ECSIT: variants seen among roughly 807,000 people sequenced by gnomAD.
ECSIT encodes the protein ECSIT signaling integrator.
ECSIT carries 29 observed loss-of-function variants against 36.8 expected under a neutral mutation model. The observed-to-expected ratio is 0.79, with a 90% CI of 0.59 to 1.08. ECSIT has a LOEUF of 1.08. Ranked by LOEUF, ECSIT falls within the 50% of genes least tolerant of loss-of-function variation. The pLI is 0.00. For missense variants in ECSIT, 542 were observed against 581.0 expected, an observed-to-expected ratio of 0.93 and a Z score of 0.69; for synonymous variants, 231 against 234.8, an observed-to-expected ratio of 0.98 and a Z score of 0.15.
intron 7 of ECSIT, 101 bp from the exon 8 acceptor site, chr19:11,506,529 CTTTTT>C (rs71166605): frequency 3.1e-3 from 2,097 of 675,292 alleles, no homozygotes; most frequent in South Asian, 4.1e-3. Context: ...CTTCCACTTC[CTTTTT>C]TTTTTTTTTT....
At chr19:11,510,398 G>A (rs1161431782) in intron 4 of ECSIT, among the ~76,000 whole-genome samples, 1 of 151,616 alleles carries the variant, frequency 6.6e-6, no homozygotes, top group Admixed American at 6.6e-5. Flanking sequence ...GGCTGGTCTC[G>A]AACTCCTGGG....
At chr19:11,521,941 G>A (rs532137754) in intron 1 of ECSIT, 6 of 166,718 alleles carry the variant, frequency 3.6e-5, no homozygotes, top group Admixed American at 1.3e-4. Flanking sequence ...TCCTTTTGCC[G>A]GTGGCGGCAA....
In ECSIT at chr19:11,519,586, T is replaced by G. The variant is rs1972061196; in HGVS notation, c.-23-393A>C. ...GCTTCAAGTGATCCTCCCATCTCTG[T>G]CTCCAAAAGTGCTGGGATCATGGGT... On this transcript the variant is annotated intron_variant, in intron 1 of 7. Coordinates refer to ENST00000270517, the MANE Select transcript of ECSIT (RefSeq NM_016581.5). The surrounding 1 kb of genome is among the most constrained non-coding windows in gnomAD (Gnocchi z 4.4). Among the ~76,000 whole-genome samples, 4 of 152,028 alleles carry G rather than the reference T, an allele frequency of 2.6e-5. No homozygotes were observed. Among genetic ancestry groups the G allele is most frequent in the Admixed American group, 1.3e-4 (2 of 15,232 alleles).
chr19:11,506,484 C>T, intron 7 of ECSIT, 56 bp from the exon 8 acceptor site: 1 of 1,551,196 alleles, frequency 6.4e-7, no homozygotes, highest in Middle Eastern at 1.7e-4. Context: ...AGCGGCTAAC[C>T]CATGCCTACA....
At position 11,506,241 on chromosome 19, in the gene ECSIT, G is replaced by A; in HGVS notation, c.1239C>T (p.Pro413=). 6.2e-7 allele frequency: 1 copy of A among 1,609,696 alleles called. No homozygotes were observed. Among genetic ancestry groups the A allele is most frequent in the Non-Finnish European group, 8.5e-7 (1 of 1,179,838 alleles). Residue 413 remains proline (P), a synonymous_variant, in exon 8 of 8, where the codon CCC becomes CCT. Transcript: ENST00000270517. ...SSAGLEEPPL[P]EDHQEEDDNL... Reference sequence around the variant, plus strand: ...TGTCGTCTTCTTCCTGGTGGTCCTCGGGCAGGGGCGGCTCCTCCAGCCCTG... The same window carrying A: ...TGTCGTCTTCTTCCTGGTGGTCCTCAGGCAGGGGCGGCTCCTCCAGCCCTG...
Position 11,519,251 on chromosome 19 carries a change from A to AG in ECSIT, c.-23-59dup. On this transcript the variant is annotated intron_variant, in intron 1 of 7. Coordinates refer to ENST00000270517, the MANE Select transcript of ECSIT (RefSeq NM_016581.5). The surrounding 1 kb of genome is among the most constrained non-coding windows in gnomAD (Gnocchi z 4.4). ...CACCTTACAGATGCTAACAGACGCA[A>AG]GGGCCCCGCAGGGTCGAGGGCACAC... is the stretch of plus-strand genomic sequence containing the variant. 8.7e-7 allele frequency: 1 copy of AG among 1,151,458 alleles called. No individual in the cohort carries two copies. 71.3% of individuals were successfully genotyped at this position (1,151,458 alleles called of 1,614,324 possible). A position where few individuals can be genotyped will look rare whatever the true frequency, so the allele number is the denominator to read the frequency against.
intron 1 of ECSIT, chr19:11,522,547 C>A: frequency 1.4e-6 from 1 of 703,796 alleles, no homozygotes; most frequent in Admixed American, 2.5e-5. Flanking sequence ...AGGAACGCCC[C>A]GGTAAAAAAA....
In ECSIT at chr19:11,513,932, T is replaced by G; in HGVS notation, c.386A>C (p.Tyr129Ser). Residue 129 changes from tyrosine to serine, a missense_variant, in exon 3 of 8, where the codon TAC (tyrosine) becomes TCC (serine). Transcript: ENST00000270517. Reference protein sequence around the residue: ...EYGVERDLAVYNQLLNIFPKE... With the variant: ...EYGVERDLAVSNQLLNIFPKE... ...GGGGAAGATGTTGAGCAGCTGGTTG[T>G]ACACAGCCAGGTCCCGCTCGACACC... The G allele has an allele frequency of 6.2e-7, 1 of 1,614,184 alleles. No homozygotes were observed. Among genetic ancestry groups the G allele is most frequent in the Non-Finnish European group, 8.5e-7 (1 of 1,180,034 alleles).
At chr19:11,528,800 C>T (rs1212453331) in intron 1 of ECSIT, 1 of 152,278 alleles carries the variant, frequency 6.6e-6, no homozygotes, top group Non-Finnish European at 1.5e-5. Context: ...AAAAGGCAGA[C>T]GCGGATTCCA....
At position 11,506,182 on chromosome 19, in the gene ECSIT, G is replaced by A. The variant is rs1409339728; in HGVS notation, c.*2C>T. ...CAGCCCGTGCCCTCGCGCCGGCTCA[G>A]ACTAGCTCTGGCCCTGCTGCTGTCG... is the stretch of plus-strand genomic sequence containing the variant. On this transcript the variant is annotated 3_prime_UTR_variant, in exon 8 of 8. Coordinates refer to ENST00000270517, the MANE Select transcript of ECSIT (RefSeq NM_016581.5). 2 of 1,604,340 alleles carry A rather than the reference G, an allele frequency of 1.2e-6. No homozygotes were observed. The highest frequency in any genetic ancestry group is 1.7e-6 in the Non-Finnish European group (2 of 1,179,864).
Position 11,519,248 on chromosome 19 carries a change from G to A in ECSIT, c.-23-55C>T, listed in dbSNP as rs566035054. 115 of 1,243,006 alleles carry A rather than the reference G, an allele frequency of 9.3e-5. No homozygotes were observed. The highest frequency in any genetic ancestry group is 2.0e-4 in the Admixed American group (10 of 50,618). The allele number at this position is 1,243,006 out of a possible 1,614,324, so 77.0% of individuals were successfully genotyped here. On this transcript the variant is annotated intron_variant, in intron 1 of 7. Coordinates refer to ENST00000270517, the MANE Select transcript of ECSIT (RefSeq NM_016581.5). This position sits in a 1 kb window ranked among gnomAD's most constrained non-coding sequence, Gnocchi z 4.4. ...TGGCACCTTACAGATGCTAACAGAC[G>A]CAAGGGCCCCGCAGGGTCGAGGGCA...
chr19:11,517,838 C>T (rs971444791), intron 2 of ECSIT, among the ~76,000 whole-genome samples: 3 of 152,080 alleles, frequency 2.0e-5, no homozygotes, highest in Non-Finnish European at 2.9e-5. Flanking sequence ...AATCTGCTTT[C>T]GCCATCTGGT....
chr19:11,510,545 A>AAAGAGAG (rs1555739278), intron 4 of ECSIT: 13 of 150,066 alleles, frequency 8.7e-5, no homozygotes, highest in Non-Finnish European at 1.5e-4. Context: ...CAAAAAAAAA[A>AAAGAGAG]AGAGAGAGAG....
intron 1 of ECSIT, chr19:11,523,865 G>A (rs1972158032): frequency 2.0e-6 from 1 of 512,630 alleles, no homozygotes; most frequent in Non-Finnish European, 3.7e-6. Context: ...AAAAAAATAA[G>A]TTAATTGACT....
Position 11,514,077 on chromosome 19 carries a change from C to G in ECSIT, c.241G>C (p.Gly81Arg), listed in dbSNP as rs1373271213. Reference protein sequence around the residue: ...PFEDLFGQAPGGERDKASFLQ... With the variant: ...PFEDLFGQAPRGERDKASFLQ... Reference sequence around the variant, plus strand: ...AAGCTCGCCTTGTCCCGTTCCCCACCAGGCGCCTGCCCAAACAGGTCCTCA... The same window carrying G: ...AAGCTCGCCTTGTCCCGTTCCCCACGAGGCGCCTGCCCAAACAGGTCCTCA... The change falls in exon 3 of 8, where the codon GGT (glycine) becomes CGT (arginine). Residue 81 changes from glycine to arginine, a missense_variant. Coordinates refer to ENST00000270517, the MANE Select transcript of ECSIT (RefSeq NM_016581.5). 2 of 1,614,192 alleles carry G rather than the reference C, an allele frequency of 1.2e-6. No individual in the cohort carries two copies. The highest frequency in any genetic ancestry group is 1.7e-6 in the Non-Finnish European group (2 of 1,180,002).
chr19:11,513,697 GAGAC>G (rs1971924250), intron 3 of ECSIT, 103 bp downstream of exon 3: 28 of 1,326,568 alleles, frequency 2.1e-5, no homozygotes, highest in Non-Finnish European at 2.5e-5. Context: ...AAGAGCGAGA[GAGAC>G]AGAGACGGAG....
chr19:11,508,287 T>G (rs974107110), intron 4 of ECSIT, among the ~76,000 whole-genome samples: 13 of 151,982 alleles, frequency 8.6e-5, no homozygotes, highest in African/African-American at 3.1e-4. Flanking sequence ...AAATCCTGGC[T>G]CTGTCACAAG....
chr19:11,512,239 G>C (rs905936419), intron 4 of ECSIT, among the ~76,000 whole-genome samples: 3 of 152,064 alleles, frequency 2.0e-5, no homozygotes, highest in Non-Finnish European at 4.4e-5. Flanking sequence ...CAGCTACTTG[G>C]GAGGCTGAGG....
At chr19:11,522,571 A>T (rs1336419899) in intron 1 of ECSIT, 1 of 643,918 alleles carries the variant, frequency 1.6e-6, no homozygotes. Flanking sequence ...AAAATTAGCC[A>T]GTCATGGTGG....
Sources: allele counts gnomAD v4.1 joint callset (sites outside exome capture counted in the v4.1 genomes callset), GRCh38; gene constraint gnomAD v4.1.1; non-coding constraint Gnocchi (gnomAD v3.1); transcripts MANE v1.5; gene names NCBI Gene and HGNC (gene_info 2026-07-23, HGNC 2026-07-21).